Variants in SPATA6 observed in about 807,000 individuals in gnomAD.
SPATA6 encodes the protein spermatogenesis-associated protein 6.
SPATA6 carries 56 observed loss-of-function variants against 65.3 expected under a neutral mutation model. That is an observed-to-expected ratio of 0.86 (90% CI 0.69 to 1.07). The LOEUF (loss-of-function observed/expected upper bound fraction) is 1.07. Ranked by LOEUF, SPATA6 falls within the 50% of genes least tolerant of loss-of-function variation. SPATA6 has a pLI of 0.00. For missense variants in SPATA6, 590 were observed against 594.8 expected (o/e 0.99, Z 0.08); for synonymous variants, 199 against 213.2 (o/e 0.93, Z 0.58).
the SPATA6 span, among the ~76,000 whole-genome samples, chr1:48,287,814 A>C: frequency 2.6e-5 from 4 of 152,354 alleles, no homozygotes; most frequent in South Asian, 8.3e-4. Context: ...AAAACAAACT[A>C]ACACACTGGG....
At chr1:48,369,147 C>T (rs1441527358) in intron 9 of SPATA6, among the ~76,000 whole-genome samples, 4 of 152,308 alleles carry the variant, frequency 2.6e-5, no homozygotes, top group African/African-American at 9.6e-5. Flanking sequence ...GATCGGTCCT[C>T]TGGAAGTTTT....
intron 11 of SPATA6, among the ~76,000 whole-genome samples, chr1:48,350,298 C>CT (rs1379743932): frequency 8.9e-5 from 13 of 145,896 alleles, no homozygotes; most frequent in African/African-American, 3.2e-4. Flanking sequence ...TTGTGCTTTT[C>CT]TTTCTTTTTT....
At chr1:48,326,167 TA>T (rs1439621366) in intron 11 of SPATA6, 1 of 152,852 alleles carries the variant, frequency 6.5e-6, no homozygotes, top group African/African-American at 2.4e-5. Flanking sequence ...AGGAAAAAAT[TA>T]AAAATTAATC....
intron 11 of SPATA6, among the ~76,000 whole-genome samples, chr1:48,312,825 C>A (rs1193211591): frequency 6.6e-6 from 1 of 152,024 alleles, no homozygotes; most frequent in Admixed American, 6.5e-5. Flanking sequence ...TGGCTAACTA[C>A]AATAACCAAT....
At chr1:48,450,340 GA>G (rs35798267) in intron 3 of SPATA6, among the ~76,000 whole-genome samples, 112,800 of 138,010 alleles carry the variant, frequency 0.82, 45,519 homozygotes, top group Middle Eastern at 0.89. Context: ...GAGAGCCCAA[GA>G]AAAAAAAAAA....
chr1:48,364,401 AG>A (rs1187923590), intron 9 of SPATA6, among the ~76,000 whole-genome samples: 2 of 152,218 alleles, frequency 1.3e-5, no homozygotes, highest in Non-Finnish European at 2.9e-5. Flanking sequence ...TGGTTGAACT[AG>A]TTTACAGTCC....
chr1:48,319,804 G>T (rs973103484), intron 11 of SPATA6, among the ~76,000 whole-genome samples: 6 of 152,160 alleles, frequency 3.9e-5, no homozygotes, highest in Admixed American at 6.5e-5. Flanking sequence ...GAATCCCACA[G>T]GCTTGTGATC....
chr1:48,368,884 T>A (rs867088355), intron 9 of SPATA6, among the ~76,000 whole-genome samples: 12 of 152,192 alleles, frequency 7.9e-5, no homozygotes, highest in South Asian at 4.1e-4. Context: ...TTTTTTAGAT[T>A]TCCAGTTTTT....
chr1:48,359,660 T>A lies in SPATA6; in HGVS notation c.1020A>T (p.Leu340=). The part of the protein sequence containing the change: ...SKPRHSARTL[L]VHSAPSTMPK... ...GCATTGTTGAGGGTGCTGAATGGAC[T>A]AGCAAGGTCCTCGCTGAATGCCGGG... The change falls in exon 10 of 13, where the codon CTA becomes CTT. Residue 340 remains leucine, a synonymous_variant. Transcript: ENST00000371847. The A allele has an allele frequency of 6.2e-7, 1 of 1,613,800 alleles. No homozygotes were observed. The highest frequency in any genetic ancestry group is 8.5e-7 in the Non-Finnish European group (1 of 1,179,820).
intron 8 of SPATA6, among the ~76,000 whole-genome samples, 174 bp downstream of exon 8, chr1:48,395,091 TAG>T (rs1650454826): frequency 6.6e-6 from 1 of 151,934 alleles, no homozygotes; most frequent in South Asian, 2.1e-4. Flanking sequence ...CCTAATATCT[TAG>T]AGAGTATATA....
intron 10 of SPATA6, among the ~76,000 whole-genome samples, chr1:48,356,412 AATAT>A (rs751228277): frequency 6.6e-6 from 1 of 151,784 alleles, no homozygotes; most frequent in Non-Finnish European, 1.5e-5. Flanking sequence ...TTCTAATTAT[AATAT>A]ATAGTGTTAT....
rs138972821 is a variant in SPATA6 at position 48,408,596 on chromosome 1, C to T, written c.405+2868G>A. 1.4e-3 allele frequency among the ~76,000 whole-genome samples: 219 copies of T among 152,296 alleles called. 1 individual carries two copies. The highest frequency in any genetic ancestry group is 5.1e-3 in the African/African-American group (214 of 41,554). Reference sequence around the variant, plus strand: ...GGCTCTTAGTGTACCAGAGAGAATACATCTTTAAGATAGATATTGTATTAG... The same window carrying T: ...GGCTCTTAGTGTACCAGAGAGAATATATCTTTAAGATAGATATTGTATTAG... On this transcript the variant is annotated intron_variant, in intron 5 of 12. Transcript: ENST00000371847.
chr1:48,380,575 T>G (rs1475976828), intron 9 of SPATA6, among the ~76,000 whole-genome samples: 2 of 152,228 alleles, frequency 1.3e-5, no homozygotes, highest in East Asian at 1.9e-4. Flanking sequence ...ATTCTATATT[T>G]GTATAGATTT....
chr1:48,467,063 A>G (rs549562830), intron 1 of SPATA6, among the ~76,000 whole-genome samples: 20 of 152,260 alleles, frequency 1.3e-4, no homozygotes, highest in African/African-American at 4.8e-4. Context: ...AAGTGATGGA[A>G]AATATAATTC....
chr1:48,353,961 GA>G (rs971789549), intron 11 of SPATA6, among the ~76,000 whole-genome samples: 11 of 151,326 alleles, frequency 7.3e-5, no homozygotes, highest in African/African-American at 2.7e-4. Context: ...GCACAGAGTG[GA>G]AAAAAAATTG....
At chr1:48,369,003 C>A (rs1647134464) in intron 9 of SPATA6, among the ~76,000 whole-genome samples, 1 of 152,134 alleles carries the variant, frequency 6.6e-6, no homozygotes, top group Non-Finnish European at 1.5e-5. Flanking sequence ...TGTTAGTTTT[C>A]CTTCTGACAG....
chr1:48,382,162 CCTTT>C (rs1397523105), intron 9 of SPATA6, among the ~76,000 whole-genome samples: 2 of 111,430 alleles, frequency 1.8e-5, no homozygotes, highest in African/African-American at 7.4e-5. Flanking sequence ...ACCCTTCCCG[CCTTT>C]CTATTCCACA....
intron 9 of SPATA6, among the ~76,000 whole-genome samples, chr1:48,369,827 G>C (rs542724085): frequency 6.6e-6 from 1 of 152,152 alleles, no homozygotes; most frequent in South Asian, 2.1e-4. Context: ...AGATGAACCC[G>C]GTACCTCAGA....
In SPATA6 at chr1:48,305,787, C is replaced by T; in HGVS notation, c.1286G>A (p.Ser429Asn). ...DSAYDSDPEY[S>N]SCQQPRGTFH... ...GGATATACATATATTTCATTCATAC[C>T]TATACTCGGGGTCACTGTCATAGGC... Residue 429 changes from serine (S) to asparagine (N), a missense_variant and splice_region_variant, in exon 12 of 13, where the codon AGC becomes AAC. Transcript: ENST00000371847. The T allele has an allele frequency of 6.2e-7, 1 of 1,605,076 alleles. No homozygotes were observed. Among genetic ancestry groups the T allele is most frequent in the South Asian group, 1.1e-5 (1 of 90,252 alleles).
Sources: gnomAD v4.1 joint callset for allele counts (sites outside exome capture counted in the v4.1 genomes callset) on GRCh38, gnomAD v4.1.1 for gene constraint, MANE v1.5 for transcripts, NCBI Gene and HGNC (gene_info 2026-07-23, HGNC 2026-07-21) for gene names.